RABGAP1L: variants seen among roughly 807,000 people sequenced by gnomAD.
The protein encoded by RABGAP1L is rab GTPase-activating protein 1-like.
Under a neutral mutation model 137.7 loss-of-function variants are expected in RABGAP1L, and 63 were observed. That is an observed-to-expected ratio of 0.46 (90% CI 0.37 to 0.56). The LOEUF is 0.56. RABGAP1L is among the 20% of genes least tolerant of loss of function. The pLI is 0.00. For missense variants in RABGAP1L, 1,095 were observed against 1,244.0 expected, an observed-to-expected ratio of 0.88 and a Z score of 1.80; for synonymous variants, 431 against 433.7, an observed-to-expected ratio of 0.99 and a Z score of 0.08.
intron 1 of RABGAP1L, among the ~76,000 whole-genome samples, chr1:174,167,892 A>G (rs188052569): frequency 6.6e-6 from 1 of 152,282 alleles, no homozygotes; most frequent in Admixed American, 6.5e-5. Context: ...TGCTGAGAGC[A>G]TTGTATAAAG....
intron 10 of RABGAP1L, among the ~76,000 whole-genome samples, chr1:174,295,448 A>G (rs561416992): frequency 7.3e-5 from 11 of 151,610 alleles, no homozygotes; most frequent in African/African-American, 2.7e-4. Context: ...CAGTGGCGCC[A>G]TCTCAGCTCA....
At chr1:174,625,540 C>A (rs1220161974) in intron 13 of RABGAP1L, among the ~76,000 whole-genome samples, 1 of 152,158 alleles carries the variant, frequency 6.6e-6, no homozygotes, top group African/African-American at 2.4e-5. Flanking sequence ...TCAAGTGATC[C>A]TCCCATCTCA....
chr1:174,418,773 T>G (rs1650908057), intron 13 of RABGAP1L, among the ~76,000 whole-genome samples: 2 of 152,184 alleles, frequency 1.3e-5, no homozygotes. Flanking sequence ...GTGCGGTGGC[T>G]CATGCCTATA....
At chr1:174,804,598 C>A (rs2148834174) in intron 18 of RABGAP1L, among the ~76,000 whole-genome samples, 1 of 152,246 alleles carries the variant, frequency 6.6e-6, no homozygotes, top group South Asian at 2.1e-4. Context: ...CAGGTGTGAA[C>A]CACCGTGCCC....
chr1:174,990,773 G>A lies in RABGAP1L; in HGVS notation c.*772G>A, dbSNP rs1672002959. 2 of 152,052 alleles carry A rather than the reference G, an allele frequency of 1.3e-5. No homozygotes were observed. The highest frequency in any genetic ancestry group is 1.3e-4 in the Admixed American group (2 of 15,270). The allele number at this position is 152,052 out of a possible 1,614,324, so 9.4% of individuals were successfully genotyped here. ...AAGTATGGACACAGATGTGACTTCT[G>A]GCAATTATAAAGTTAAAGGTGGATA... On this transcript the variant is annotated 3_prime_UTR_variant, in exon 26 of 26. Transcript: ENST00000681986.
At chr1:174,529,710 A>ATGACAG (rs1664222730) in intron 13 of RABGAP1L, among the ~76,000 whole-genome samples, 8 of 152,116 alleles carry the variant, frequency 5.3e-5, no homozygotes. Flanking sequence ...GGCATGGGCA[A>ATGACAG]TGACAGTGAC....
At chr1:174,405,377 G>A (rs563821005) in intron 13 of RABGAP1L, among the ~76,000 whole-genome samples, 1 of 152,020 alleles carries the variant, frequency 6.6e-6, no homozygotes, top group Middle Eastern at 3.4e-3. Context: ...TCAGAGCATC[G>A]CTTAATTATA....
intron 19 of RABGAP1L, among the ~76,000 whole-genome samples, chr1:174,879,717 G>T (rs1293727915): frequency 6.6e-6 from 1 of 152,074 alleles, no homozygotes; most frequent in Non-Finnish European, 1.5e-5. Flanking sequence ...CAGTTTAAAA[G>T]AATCAGCTGG....
chr1:174,500,862 G>A (rs568646955), intron 13 of RABGAP1L, among the ~76,000 whole-genome samples: 1 of 152,188 alleles, frequency 6.6e-6, no homozygotes, highest in Admixed American at 6.5e-5. Context: ...AAAAGATTTG[G>A]TAGATATTGG....
At chr1:174,985,622 G>C (rs1671526540) in intron 24 of RABGAP1L, among the ~76,000 whole-genome samples, 1 of 152,008 alleles carries the variant, frequency 6.6e-6, no homozygotes, top group South Asian at 2.1e-4. Flanking sequence ...TCAGTTTCCT[G>C]TAATAACCTT....
chr1:174,539,542 G>C (rs1485685659), intron 13 of RABGAP1L, among the ~76,000 whole-genome samples: 1 of 152,166 alleles, frequency 6.6e-6, no homozygotes, highest in African/African-American at 2.4e-5. Context: ...AACATGCGGT[G>C]TTTGGTTTAA....
chr1:174,898,568 G>A (rs961890517), intron 19 of RABGAP1L, among the ~76,000 whole-genome samples: 4 of 152,074 alleles, frequency 2.6e-5, no homozygotes, highest in South Asian at 2.1e-4. Context: ...AATGATTAAC[G>A]ATGATTGACA....
intron 13 of RABGAP1L, among the ~76,000 whole-genome samples, chr1:174,438,390 A>G (rs532696458): frequency 6.6e-6 from 1 of 152,218 alleles, no homozygotes; most frequent in South Asian, 2.1e-4. Context: ...TTTGAGAAAA[A>G]TTGACGTTCT....
intron 3 of RABGAP1L, 85 bp downstream of exon 3, chr1:174,221,249 T>C (rs1292351936): frequency 1.8e-6 from 2 of 1,112,150 alleles, no homozygotes; most frequent in Admixed American, 2.8e-5. Context: ...GAAAAAATTG[T>C]TAGCTCTTCT....
chr1:174,528,257 G>A (rs756877372), intron 13 of RABGAP1L, among the ~76,000 whole-genome samples: 3 of 151,530 alleles, frequency 2.0e-5, no homozygotes, highest in Non-Finnish European at 4.4e-5. Context: ...GTGTTTTGGT[G>A]GTTTTCTGTA....
At chr1:174,862,525 A>G (rs1650430774) in intron 19 of RABGAP1L, among the ~76,000 whole-genome samples, 1 of 152,208 alleles carries the variant, frequency 6.6e-6, no homozygotes, top group Non-Finnish European at 1.5e-5. Flanking sequence ...GATAAAATTA[A>G]AATATTAATG....
intron 19 of RABGAP1L, chr1:174,892,724 T>TTTCCC (rs1413686209): frequency 2.1e-6 from 1 of 479,730 alleles, no homozygotes; most frequent in African/African-American, 2.2e-5. Flanking sequence ...CATTTCTTTG[T>TTTCCC]TTTCTTTCTT....
At chr1:174,526,903 A>T (rs1481641905) in intron 13 of RABGAP1L, among the ~76,000 whole-genome samples, 1 of 151,914 alleles carries the variant, frequency 6.6e-6, no homozygotes. Context: ...TAGTTCCTTG[A>T]GGCATATTGT....
chr1:174,762,754 T>C (rs550505313), intron 18 of RABGAP1L, among the ~76,000 whole-genome samples: 13 of 151,860 alleles, frequency 8.6e-5, no homozygotes, highest in Non-Finnish European at 1.3e-4. Context: ...CCTATGTGTA[T>C]ATGAATAAGA....
Sources: allele counts gnomAD v4.1 joint callset (sites outside exome capture counted in the v4.1 genomes callset), GRCh38; gene constraint gnomAD v4.1.1; transcripts MANE v1.5; gene names NCBI Gene and HGNC (gene_info 2026-07-23, HGNC 2026-07-21).